The following GRID2 variants were observed in gnomAD, a reference collection of about 807,000 sequenced individuals.
GRID2 encodes the protein glutamate receptor ionotropic, delta-2.
Under a neutral mutation model 114.8 loss-of-function variants are expected in GRID2, and 33 were observed. The ratio of observed to expected loss-of-function variants is 0.29; its 90% CI spans 0.22 to 0.38. GRID2 has a LOEUF of 0.38. Ranked by LOEUF, GRID2 falls within the 10% of genes least tolerant of loss-of-function variation. The pLI is 1.00. For synonymous variants in GRID2, 505 were observed against 449.9 expected, an observed-to-expected ratio of 1.12 and a Z score of -1.55; for missense variants, 1,184 against 1,257.7, an observed-to-expected ratio of 0.94 and a Z score of 0.89.
At chr4:92,896,995 G>A (rs1029636170) in intron 2 of GRID2, among the ~76,000 whole-genome samples, 7 of 151,918 alleles carry the variant, frequency 4.6e-5, no homozygotes, top group African/African-American at 9.7e-5. Flanking sequence ...ACCTTCCTCG[G>A]TCTCCCAAAG....
intron 2 of GRID2, among the ~76,000 whole-genome samples, chr4:92,891,313 T>TA (rs939215977): frequency 6.6e-6 from 1 of 152,172 alleles, no homozygotes; most frequent in African/African-American, 2.4e-5. Context: ...TTTTCAGTTT[T>TA]AAAAATGTAT....
At chr4:93,424,415 T>A (rs1393314181) in intron 10 of GRID2, among the ~76,000 whole-genome samples, 1 of 152,174 alleles carries the variant, frequency 6.6e-6, no homozygotes, top group Non-Finnish European at 1.5e-5. Flanking sequence ...ATGTCTTTTT[T>A]AACCCTCATT....
intron 1 of GRID2, among the ~76,000 whole-genome samples, chr4:92,422,208 AAG>A (rs1731941835): frequency 6.6e-6 from 1 of 151,982 alleles, no homozygotes; most frequent in African/African-American, 2.4e-5. Context: ...AGGTGGGAAA[AAG>A]CTTGGTGATT....
chr4:92,968,245 T>C, intron 2 of GRID2, among the ~76,000 whole-genome samples: 1 of 151,900 alleles, frequency 6.6e-6, no homozygotes, highest in East Asian at 1.9e-4. Flanking sequence ...ACAATCTCCA[T>C]TTTACAGATT....
At chr4:93,760,112 A>G (rs1488661210) in intron 14 of GRID2, among the ~76,000 whole-genome samples, 1 of 152,180 alleles carries the variant, frequency 6.6e-6, no homozygotes, top group African/African-American at 2.4e-5. Context: ...TAAGAGGTAC[A>G]GGGTCGAAGG....
intron 1 of GRID2, among the ~76,000 whole-genome samples, chr4:92,444,623 C>T (rs1289575498): frequency 6.6e-6 from 1 of 152,114 alleles, no homozygotes; most frequent in Admixed American, 6.5e-5. Flanking sequence ...ACAGGGGTTG[C>T]AATGGCTTGG....
At chr4:92,557,760 A>T (rs1450519392) in intron 1 of GRID2, among the ~76,000 whole-genome samples, 1 of 151,890 alleles carries the variant, frequency 6.6e-6, no homozygotes, top group Non-Finnish European at 1.5e-5. Flanking sequence ...CTCTAGTCCT[A>T]GGTTTGTACT....
chr4:92,419,546 T>G (rs1731789233), intron 1 of GRID2, among the ~76,000 whole-genome samples: 1 of 152,130 alleles, frequency 6.6e-6, no homozygotes, highest in Admixed American at 6.6e-5. Flanking sequence ...ATTGAAGTCA[T>G]ATCTCGTGTT....
intron 13 of GRID2, among the ~76,000 whole-genome samples, chr4:93,551,620 A>G (rs1031503007): frequency 6.6e-6 from 1 of 152,212 alleles, no homozygotes; most frequent in Non-Finnish European, 1.5e-5. Flanking sequence ...CTCTTATCTA[A>G]GTTGACAGAC....
intron 2 of GRID2, among the ~76,000 whole-genome samples, chr4:92,876,981 A>G (rs745739247): frequency 3.9e-5 from 6 of 152,236 alleles, no homozygotes; most frequent in Non-Finnish European, 8.8e-5. Context: ...AAAGTAAAGG[A>G]GAACATGTTA....
intron 2 of GRID2, among the ~76,000 whole-genome samples, chr4:92,667,813 T>C (rs1458720918): frequency 2.6e-5 from 4 of 151,774 alleles, no homozygotes; most frequent in African/African-American, 7.2e-5. Context: ...ATTTGATCAA[T>C]TGATGTTCAA....
At chr4:92,984,769 CTTT>C (rs1261130163) in intron 2 of GRID2, among the ~76,000 whole-genome samples, 1 of 143,556 alleles carries the variant, frequency 7.0e-6, no homozygotes, top group African/African-American at 2.5e-5. Flanking sequence ...TATTCAACTT[CTTT>C]TTTTTTTTTT....
intron 2 of GRID2, among the ~76,000 whole-genome samples, chr4:92,670,963 T>A (rs1440250195): frequency 6.6e-6 from 1 of 152,144 alleles, no homozygotes; most frequent in Non-Finnish European, 1.5e-5. Context: ...GTGACACTGA[T>A]GTTTGGAACC....
intron 2 of GRID2, among the ~76,000 whole-genome samples, chr4:92,714,587 T>A (rs1314809063): frequency 6.6e-6 from 1 of 152,176 alleles, no homozygotes; most frequent in Non-Finnish European, 1.5e-5. Flanking sequence ...TGCCTAGACA[T>A]CTAGGCATTT....
At chr4:93,741,866 G>A (rs1009764271) in intron 14 of GRID2, among the ~76,000 whole-genome samples, 4 of 150,392 alleles carry the variant, frequency 2.7e-5, no homozygotes, top group Non-Finnish European at 5.9e-5. Flanking sequence ...AGAGCTTGCA[G>A]TGAGCCAAGA....
At chr4:92,508,406 G>T (rs1372183326) in intron 1 of GRID2, among the ~76,000 whole-genome samples, 1 of 151,862 alleles carries the variant, frequency 6.6e-6, no homozygotes, top group Non-Finnish European at 1.5e-5. Context: ...AGGGGATAAG[G>T]GAAGAAATAA....
rs34416042 is a variant in GRID2, at chr4:93,414,685, T to TTATATATATATATATATATATATATA, written c.1348-8065_1348-8064insATATATATATATATATATATATATAT. Among the ~76,000 whole-genome samples, 1,034 of 139,904 alleles carry TTATATATATATATATATATATATATA rather than the reference T, an allele frequency of 7.4e-3. 3 individuals carry two copies. The highest frequency in any genetic ancestry group is 9.6e-3 in the Non-Finnish European group (623 of 64,682). 91.8% of individuals were successfully genotyped at this position (139,904 alleles called of 152,430 possible). A position where few individuals can be genotyped will look rare whatever the true frequency, so the allele number is the denominator to read the frequency against. ...GCACCTATCATCACCATCTGACATT[T>TTATATATATATATATATATATATATA]TATATATATATATATATATATTTCC... On this transcript the variant is annotated intron_variant, in intron 9 of 15. Coordinates refer to ENST00000282020, the MANE Select transcript of GRID2 (RefSeq NM_001510.4).
At chr4:92,580,067 A>C (rs560899935) in intron 1 of GRID2, among the ~76,000 whole-genome samples, 193 of 148,580 alleles carry the variant, frequency 1.3e-3, no homozygotes, top group Admixed American at 3.7e-3. Context: ...ATAAATATAT[A>C]TATAGTATAA....
intron 4 of GRID2, among the ~76,000 whole-genome samples, chr4:93,203,456 C>T (rs192641793): frequency 1.3e-5 from 2 of 152,006 alleles, no homozygotes; most frequent in South Asian, 2.1e-4. Flanking sequence ...TAGTATAATT[C>T]GTTTTTCTTC....
Sources: allele counts gnomAD v4.1 joint callset (sites outside exome capture counted in the v4.1 genomes callset), GRCh38; gene constraint gnomAD v4.1.1; transcripts MANE v1.5; gene names NCBI Gene and HGNC (gene_info 2026-07-23, HGNC 2026-07-21).